The following ZFP82 variants were observed in gnomAD, a reference collection of about 807,000 sequenced individuals.
ZFP82 encodes zinc finger protein 82 homolog.
Under a neutral mutation model 54.0 loss-of-function variants are expected in ZFP82, and 30 were observed. The observed-to-expected ratio is 0.56, with a 90% CI of 0.42 to 0.75. The LOEUF (loss-of-function observed/expected upper bound fraction) is 0.75. Ranked by LOEUF, ZFP82 falls within the 30% of genes least tolerant of loss-of-function variation. ZFP82 has a pLI of 0.00. For missense variants in ZFP82, 500 were observed against 636.8 expected, an observed-to-expected ratio of 0.79 and a Z score of 2.31; for synonymous variants, 194 against 209.5, an observed-to-expected ratio of 0.93 and a Z score of 0.64.
chr19:36,412,883 C>T (rs897577337), intron 1 of ZFP82, among the ~76,000 whole-genome samples: 23 of 152,180 alleles, frequency 1.5e-4, no homozygotes, highest in Admixed American at 5.9e-4. Context: ...CCTCACCTAT[C>T]TCAGTGTTAT....
intron 1 of ZFP82, among the ~76,000 whole-genome samples, chr19:36,410,488 T>C (rs1158039197): frequency 6.6e-6 from 1 of 151,948 alleles, no homozygotes; most frequent in East Asian, 1.9e-4. Context: ...GTTGTTGTTG[T>C]TGCTGTTGTT....
chr19:36,417,388 A>C (rs2032691148), intron 1 of ZFP82, among the ~76,000 whole-genome samples: 1 of 152,098 alleles, frequency 6.6e-6, no homozygotes, highest in Admixed American at 6.6e-5. Context: ...TCGGGAGGGG[A>C]CCTAGGTATC....
chr19:36,397,154 G>A lies in ZFP82; in HGVS notation c.230-3044C>T, dbSNP rs758382922. On this transcript the variant is annotated intron_variant, in intron 4 of 4. Coordinates refer to ENST00000392161, the MANE Select transcript of ZFP82 (RefSeq NM_133466.4). ...GTTGCCCAGGCTGGAGTGCAGTGGC[G>A]CAATCTTGGATCGCTGCAACCTCTG... 1.2e-3 allele frequency among the ~76,000 whole-genome samples: 171 copies of A among 148,610 alleles called. 2 individuals carry two copies. The highest frequency in any genetic ancestry group is 6.0e-4 in the East Asian group (3 of 5,020).
At chr19:36,394,177 T>C in intron 4 of ZFP82, 67 bp from the exon 5 acceptor site, 1 of 1,375,942 alleles carries the variant, frequency 7.3e-7, no homozygotes, top group Non-Finnish European at 1.0e-6. Flanking sequence ...ATTTCTAATG[T>C]AGAAATAAAA....
intron 4 of ZFP82, among the ~76,000 whole-genome samples, chr19:36,403,493 G>A (rs567581688): frequency 2.0e-5 from 3 of 150,752 alleles, no homozygotes; most frequent in Non-Finnish European, 2.9e-5. Flanking sequence ...AGTGGCACAC[G>A]CCCGTAATCC....
chr19:36,397,959 T>C (rs1255205571), intron 4 of ZFP82, among the ~76,000 whole-genome samples: 1 of 152,110 alleles, frequency 6.6e-6, no homozygotes, highest in Non-Finnish European at 1.5e-5. Context: ...TAATAAAATG[T>C]TTATATAGAT....
At chr19:36,415,067 C>T (rs1250336569) in intron 1 of ZFP82, among the ~76,000 whole-genome samples, 1 of 152,132 alleles carries the variant, frequency 6.6e-6, no homozygotes, top group East Asian at 1.9e-4. Flanking sequence ...GTGATCCGCC[C>T]ACCTTGGCCT....
chr19:36,407,079 T>C (rs1309294547), intron 3 of ZFP82, among the ~76,000 whole-genome samples: 14 of 143,378 alleles, frequency 9.8e-5, no homozygotes, highest in Non-Finnish European at 2.0e-4. Context: ...ATTTTCTTTT[T>C]TTTTTTTTTT....
intron 1 of ZFP82, among the ~76,000 whole-genome samples, chr19:36,412,460 G>A (rs1317418556): frequency 6.6e-6 from 1 of 152,148 alleles, no homozygotes; most frequent in Non-Finnish European, 1.5e-5. Flanking sequence ...GTTTTTACTG[G>A]TTTTGTTGAT....
rs1280906292 is a variant in ZFP82, at chr19:36,392,504, C to T, written c.*237G>A. The T allele has an allele frequency of 4.5e-6, 2 of 443,072 alleles. No individual in the cohort carries two copies. Among genetic ancestry groups the T allele is most frequent in the Non-Finnish European group, 3.9e-6 (1 of 253,262 alleles). 27.4% of individuals were successfully genotyped at this position (443,072 alleles called of 1,614,324 possible). A position where few individuals can be genotyped will look rare whatever the true frequency, so the allele number is the denominator to read the frequency against. ...CAGTTAAGCGTCTTGTCCAGTATGA[C>T]ACAAAGTGATGGGATAGGGATGACG... On this transcript the variant is annotated 3_prime_UTR_variant, in exon 5 of 5. Transcript: ENST00000392161.
chr19:36,386,523 G>A (rs749172104), downstream of ZFP82, among the ~76,000 whole-genome samples: 1 of 152,234 alleles, frequency 6.6e-6, no homozygotes, highest in African/African-American at 2.4e-5. Context: ...ACCTGTGACA[G>A]ATGCTCTATG....
In ZFP82 at chr19:36,393,653, C is replaced by T; in HGVS notation, c.687G>A (p.Lys229=). The T allele has an allele frequency of 6.2e-7, 1 of 1,613,998 alleles. No homozygotes were observed. The highest frequency in any genetic ancestry group is 1.1e-5 in the South Asian group (1 of 91,068). The change falls in exon 5 of 5, where the codon AAG becomes AAA. Residue 229 remains lysine, a synonymous_variant. Transcript: ENST00000392161. ...LHSGEKLYEC[K]ECGEAFICGA... ...CACATATGAAAGCTTCCCCACATTC[C>T]TTACATTCATAGAGTTTTTCACCAG...
chr19:36,386,021 G>C (rs2032110918), downstream of ZFP82, among the ~76,000 whole-genome samples: 1 of 152,204 alleles, frequency 6.6e-6, no homozygotes. Flanking sequence ...TGCAAACCAA[G>C]GTTGTATACC....
chr19:36,396,410 G>A (rs931681627), intron 4 of ZFP82, among the ~76,000 whole-genome samples: 1 of 152,068 alleles, frequency 6.6e-6, no homozygotes, highest in African/African-American at 2.4e-5. Flanking sequence ...CACTTTGGGA[G>A]GCCGAGATGG....
chr19:36,414,457 G>A (rs552168082), intron 1 of ZFP82, among the ~76,000 whole-genome samples: 43 of 149,074 alleles, frequency 2.9e-4, no homozygotes, highest in African/African-American at 1.0e-3. Flanking sequence ...TCTGCCTCCC[G>A]GGTTCAAGTG....
chr19:36,405,511 A>G, intron 4 of ZFP82, 69 bp downstream of exon 4: 1 of 1,172,804 alleles, frequency 8.5e-7, no homozygotes, highest in East Asian at 2.4e-5. Flanking sequence ...CAACATAAGG[A>G]TGTGTCTCTT....
At chr19:36,386,794 G>T (rs1283694723), downstream of ZFP82, among the ~76,000 whole-genome samples, 1 of 152,174 alleles carries the variant, frequency 6.6e-6, no homozygotes, top group Non-Finnish European at 1.5e-5. Flanking sequence ...AAAATTAGCT[G>T]GGCATGGTGG....
chr19:36,387,874 A>G (rs1404230131), downstream of ZFP82, among the ~76,000 whole-genome samples: 1 of 152,244 alleles, frequency 6.6e-6, no homozygotes, highest in Non-Finnish European at 1.5e-5. Flanking sequence ...TCAGCCTCCC[A>G]AAGTGCTGGG....
downstream of ZFP82, among the ~76,000 whole-genome samples, chr19:36,385,461 G>GA (rs1391428922): frequency 3.3e-5 from 5 of 152,224 alleles, no homozygotes; most frequent in African/African-American, 1.2e-4. Context: ...ATGAATAACT[G>GA]AAAGTGTGGA....
Sources: gnomAD v4.1 joint callset for allele counts (sites outside exome capture counted in the v4.1 genomes callset) on GRCh38, gnomAD v4.1.1 for gene constraint, MANE v1.5 for transcripts, NCBI Gene and HGNC (gene_info 2026-07-23, HGNC 2026-07-21) for gene names.